VPS53: variants seen among roughly 807,000 people sequenced by gnomAD.
The protein encoded by VPS53 is VPS53 subunit of GARP complex.
A neutral mutation model predicts 107.0 loss-of-function variants in VPS53; 70 were observed. The observed-to-expected ratio is 0.65, with a 90% CI of 0.54 to 0.80. The LOEUF is 0.80. Among genes scored for constraint, VPS53 ranks in the 30% least tolerant of loss-of-function variants. The pLI, the probability that VPS53 is intolerant of heterozygous loss-of-function variation, is 0.00. For missense variants in VPS53, 917 were observed against 1,049.4 expected (o/e 0.87, Z 1.74); for synonymous variants, 409 against 393.3 (o/e 1.04, Z -0.47).
At chr17:561,467 G>A (rs995955307) in intron 14 of VPS53, among the ~76,000 whole-genome samples, 4 of 152,120 alleles carry the variant, frequency 2.6e-5, no homozygotes, top group African/African-American at 7.2e-5. Context: ...GAAGTTAAAC[G>A]GTAGCTGCAG....
At chr17:564,719 G>C (rs1053015542) in intron 13 of VPS53, among the ~76,000 whole-genome samples, 3 of 148,330 alleles carry the variant, frequency 2.0e-5, no homozygotes, top group African/African-American at 5.0e-5. Context: ...TTGATATCTG[G>C]AAAAAAAAAA....
In VPS53 at chr17:626,763, A is replaced by AT. The variant is rs538337985; in HGVS notation, c.974+410dup. ...AACAAATGTTTCCTCTGTGTCTGCTATATCATTAAGGTAGATACTACCCTG... is the reference window on the plus strand; with the variant it reads ...AACAAATGTTTCCTCTGTGTCTGCTATTATCATTAAGGTAGATACTACCCTG... On this transcript the variant is annotated intron_variant, in intron 10 of 21. Transcript: ENST00000437048. 2.6e-3 allele frequency among the ~76,000 whole-genome samples: 398 copies of AT among 152,324 alleles called. 3 individuals are homozygous for AT. Among genetic ancestry groups the AT allele is most frequent in the African/African-American group, 9.3e-3 (385 of 41,572 alleles).
At chr17:700,727 T>C (rs1973166127) in intron 2 of VPS53, among the ~76,000 whole-genome samples, 1 of 152,084 alleles carries the variant, frequency 6.6e-6, no homozygotes, top group Non-Finnish European at 1.5e-5. Context: ...GAGGTACAAT[T>C]TTATAGTACT....
intron 13 of VPS53, among the ~76,000 whole-genome samples, chr17:563,998 C>G (rs1370160132): frequency 1.3e-5 from 2 of 152,250 alleles, no homozygotes; most frequent in Non-Finnish European, 2.9e-5. Context: ...GCCTGTAATC[C>G]CAGCACTGTG....
chr17:529,339 T>C (rs756126571), intron 19 of VPS53, among the ~76,000 whole-genome samples: 12 of 152,074 alleles, frequency 7.9e-5, no homozygotes, highest in Non-Finnish European at 1.8e-4. Context: ...ATTTTGGCTG[T>C]TGTCTTCTGT....
chr17:697,158 C>T (rs374549831), intron 4 of VPS53, among the ~76,000 whole-genome samples: 7 of 152,264 alleles, frequency 4.6e-5, no homozygotes, highest in East Asian at 1.9e-4. Context: ...AAGAGATGCC[C>T]GACACGAAGG....
Position 520,236 on chromosome 17 carries a change from G to A in VPS53, c.2224-306C>T, listed in dbSNP as rs926818755. ...GCTGCTGTTTGAAGTATGGGTTTCC[G>A]GGGCCCTCCTCTAAAGACTCTAATT... On this transcript the variant is annotated intron_variant, in intron 20 of 21. Transcript: ENST00000437048. The surrounding 1 kb of genome is among the most constrained non-coding windows in gnomAD (Gnocchi z 4.4). Among the ~76,000 whole-genome samples the A allele has an allele frequency of 5.3e-5, 8 of 152,196 alleles. No individual in the cohort carries two copies. In the South Asian group the frequency reaches 1.2e-3, roughly 24 times the overall value.
chr17:631,500 C>T (rs951654100), intron 8 of VPS53, 50 bp downstream of exon 8: 47 of 1,582,426 alleles, frequency 3.0e-5, no homozygotes, highest in Non-Finnish European at 4.0e-5. Flanking sequence ...AGCGTGAGCT[C>T]GGCAAGGATG....
chr17:616,085 G>A (rs12601935), intron 11 of VPS53: 52,636 of 152,164 alleles, frequency 0.35, 10,915 homozygotes, highest in South Asian at 0.47. Context: ...CTCAAGGCCC[G>A]TCCCACCTGG....
intron 4 of VPS53, among the ~76,000 whole-genome samples, chr17:666,724 C>A (rs1486063911): frequency 6.6e-6 from 1 of 151,648 alleles, no homozygotes; most frequent in Non-Finnish European, 1.5e-5. Flanking sequence ...TTGTGACCAG[C>A]CTGACCAACA....
At chr17:589,739 CTT>C (rs939979826) in intron 12 of VPS53, among the ~76,000 whole-genome samples, 2 of 152,094 alleles carry the variant, frequency 1.3e-5, no homozygotes, top group African/African-American at 4.8e-5. Context: ...ATCTATATCT[CTT>C]GTTTTGGTAC....
At chr17:668,876 TCTG>T (rs1201526612) in intron 4 of VPS53, among the ~76,000 whole-genome samples, 1 of 152,216 alleles carries the variant, frequency 6.6e-6, no homozygotes, top group Non-Finnish European at 1.5e-5. Context: ...CAGAACTGTC[TCTG>T]CTGAAGGTAT....
At chr17:687,664 C>T (rs1488054192) in intron 4 of VPS53, among the ~76,000 whole-genome samples, 1 of 151,936 alleles carries the variant, frequency 6.6e-6, no homozygotes, top group Non-Finnish European at 1.5e-5. Flanking sequence ...CTTGAGCCCA[C>T]GAGGTTGAGG....
At chr17:575,284 T>G (rs1001446448) in intron 13 of VPS53, among the ~76,000 whole-genome samples, 2 of 152,240 alleles carry the variant, frequency 1.3e-5, no homozygotes, top group Non-Finnish European at 2.9e-5. Context: ...AGTTTCTAAT[T>G]GAAACATTGT....
intron 4 of VPS53, among the ~76,000 whole-genome samples, chr17:687,879 G>A (rs1972646119): frequency 6.6e-6 from 1 of 152,130 alleles, no homozygotes. Context: ...GATAACAGCA[G>A]AGACAAAATT....
chr17:622,723 TCTTTTC>T lies in VPS53; in HGVS notation c.1116+804_1116+809del, dbSNP rs1009809382. On this transcript the variant is annotated intron_variant, in intron 11 of 21. Transcript: ENST00000437048. ...GAGAAGAGGTTTACTCCTTTCTCTT[TCTTTTC>T]TTTTTTTTTAGAGATAGGGTGTCAC... is the stretch of plus-strand genomic sequence containing the variant. Among the ~76,000 whole-genome samples, 278 of 141,958 alleles carry T rather than the reference TCTTTTC, an allele frequency of 2.0e-3. 3 individuals carry two copies. Among genetic ancestry groups the T allele is most frequent in the East Asian group, 3.0e-3 (15 of 4,934 alleles). The allele number at this position is 141,958 out of a possible 152,430, so 93.1% of individuals were successfully genotyped here.
intron 7 of VPS53, among the ~76,000 whole-genome samples, chr17:647,573 C>T (rs949872443): frequency 6.6e-6 from 1 of 152,188 alleles, no homozygotes; most frequent in African/African-American, 2.4e-5. Flanking sequence ...TCCATCCAGG[C>T]TCCTTCTTTC....
intron 4 of VPS53, among the ~76,000 whole-genome samples, chr17:663,280 T>C (rs964394006): frequency 1.3e-5 from 2 of 152,124 alleles, no homozygotes; most frequent in Non-Finnish European, 2.9e-5. Context: ...TGCTACACAA[T>C]GAAAGTATTA....
At chr17:624,230 A>C (rs1969594319) in intron 10 of VPS53, among the ~76,000 whole-genome samples, 1 of 152,050 alleles carries the variant, frequency 6.6e-6, no homozygotes, top group Non-Finnish European at 1.5e-5. Flanking sequence ...GGAGCACCTA[A>C]TTTTTTATTA....
Sources: allele counts gnomAD v4.1 joint callset (sites outside exome capture counted in the v4.1 genomes callset), GRCh38; gene constraint gnomAD v4.1.1; non-coding constraint Gnocchi (gnomAD v3.1); transcripts MANE v1.5; gene names NCBI Gene and HGNC (gene_info 2026-07-23, HGNC 2026-07-21).